ARPP21: variants seen among roughly 807,000 people sequenced by gnomAD.
ARPP21 encodes the protein cAMP regulated phosphoprotein 21, also known as cAMP-regulated phosphoprotein 21.
A neutral mutation model predicts 113.2 loss-of-function variants in ARPP21; 69 were observed. The observed-to-expected ratio is 0.61, with a 90% confidence interval of 0.50 to 0.74. ARPP21 has a LOEUF of 0.74. ARPP21 is among the 30% of genes least tolerant of loss of function. ARPP21 has a pLI of 0.00. For synonymous variants in ARPP21, 368 were observed against 375.5 expected, an observed-to-expected ratio of 0.98 and a Z score of 0.23; for missense variants, 1,070 against 1,037.4, an observed-to-expected ratio of 1.03 and a Z score of -0.43.
At chr3:35,676,897 A>G (rs1046855415) in intron 1 of ARPP21, among the ~76,000 whole-genome samples, 6 of 151,926 alleles carry the variant, frequency 3.9e-5, no homozygotes, top group African/African-American at 1.4e-4. Context: ...TAGTATTGCA[A>G]TATTTATATA....
Position 35,667,838 on chromosome 3 carries a change from C to T in ARPP21, c.-212-11949C>T, listed in dbSNP as rs760264078. ...GAAGATCACCTGCAGTACTTTTATT[C>T]TCAAAGAAGAAGAAGAAGAAGAAGA... On this transcript the variant is annotated intron_variant, in intron 1 of 20. Coordinates refer to ENST00000684406, the MANE Select transcript of ARPP21 (RefSeq NM_001385562.1). Among the ~76,000 whole-genome samples, 180 of 55,650 alleles carry T rather than the reference C, an allele frequency of 3.2e-3. 3 individuals are homozygous for T. Among genetic ancestry groups the T allele is most frequent in the Non-Finnish European group, 4.9e-3 (145 of 29,894 alleles). The allele number at this position is 55,650 out of a possible 152,430, so 36.5% of individuals were successfully genotyped here.
chr3:35,672,828 G>C (rs2149343881), intron 1 of ARPP21, among the ~76,000 whole-genome samples: 1 of 152,156 alleles, frequency 6.6e-6, no homozygotes, highest in African/African-American at 2.4e-5. Context: ...AGGACAGGCA[G>C]ACAGCTTGCT....
intron 19 of ARPP21, among the ~76,000 whole-genome samples, chr3:35,767,431 C>G (rs2096020166): frequency 6.6e-6 from 1 of 151,992 alleles, no homozygotes; most frequent in Admixed American, 6.6e-5. Flanking sequence ...TTTTGTTGGC[C>G]TGACTGAAAA....
chr3:35,753,810 C>T (rs2095481766), intron 19 of ARPP21, among the ~76,000 whole-genome samples: 2 of 151,852 alleles, frequency 1.3e-5, no homozygotes, highest in Non-Finnish European at 2.9e-5. Context: ...GTTATTGCCT[C>T]TTTAATGTTG....
At chr3:35,776,413 A>T (rs1482211751) in intron 19 of ARPP21, among the ~76,000 whole-genome samples, 1 of 152,154 alleles carries the variant, frequency 6.6e-6, no homozygotes, top group Non-Finnish European at 1.5e-5. Flanking sequence ...TCATGACAGC[A>T]GCTGGCCAGG....
At chr3:35,781,065 A>G (rs965404861) in intron 19 of ARPP21, among the ~76,000 whole-genome samples, 1 of 152,088 alleles carries the variant, frequency 6.6e-6, no homozygotes, top group Non-Finnish European at 1.5e-5. Context: ...TTCTTAGACC[A>G]CGTGGTCCTG....
chr3:35,768,484 C>G (rs1307154788), intron 19 of ARPP21, among the ~76,000 whole-genome samples: 2 of 152,052 alleles, frequency 1.3e-5, no homozygotes, highest in African/African-American at 4.8e-5. Context: ...TTTATAATTA[C>G]TCATTTAATA....
In ARPP21 at chr3:35,675,599, T is replaced by C. The variant is rs376661755; in HGVS notation, c.-212-4188T>C. ...AGGGTAAGCTTTGGGAAAAAAATTA[T>C]AGAGTTGTCTTTTTCAGTGAAATAT... On this transcript the variant is annotated intron_variant, in intron 1 of 20. Transcript: ENST00000684406. Among the ~76,000 whole-genome samples, 19 of 152,022 alleles carry C rather than the reference T, an allele frequency of 1.2e-4. No homozygotes were observed. The East Asian group carries it at 3.5e-3, about 28-fold the overall frequency.
At chr3:35,643,236 A>G (rs988597921) in intron 1 of ARPP21, among the ~76,000 whole-genome samples, 2 of 152,116 alleles carry the variant, frequency 1.3e-5, no homozygotes, top group Admixed American at 6.5e-5. Flanking sequence ...AAGAGAAAGT[A>G]AGCAGTTTCT....
chr3:35,667,539 G>T (rs535457397), intron 1 of ARPP21, among the ~76,000 whole-genome samples: 2 of 152,092 alleles, frequency 1.3e-5, no homozygotes, highest in African/African-American at 2.4e-5. Flanking sequence ...GTCACTTTCA[G>T]ATTCTTCTCA....
chr3:35,698,203 A>G (rs2084818340), intron 9 of ARPP21, among the ~76,000 whole-genome samples: 1 of 151,698 alleles, frequency 6.6e-6, no homozygotes, highest in South Asian at 2.1e-4. Flanking sequence ...GTCAAACTCC[A>G]TGTCATTTTC....
rs143730825 is a variant in ARPP21, at chr3:35,673,242, C to A, written c.-212-6545C>A. ...ATCCGTTTCTGCTAATCTCTCTCTG[C>A]CCTCTGTCCCTCCCTTTTGGAAGTG... On this transcript the variant is annotated intron_variant, in intron 1 of 20. Transcript: ENST00000684406. Among the ~76,000 whole-genome samples, 71 of 152,160 alleles carry A rather than the reference C, an allele frequency of 4.7e-4. 1 individual carries two copies. In the East Asian group the frequency reaches 0.013, roughly 29 times the overall value.
intron 19 of ARPP21, among the ~76,000 whole-genome samples, chr3:35,761,522 C>T (rs2095777542): frequency 6.6e-6 from 1 of 151,998 alleles, no homozygotes; most frequent in African/African-American, 2.4e-5. Context: ...TGGAGGTGAC[C>T]TGTTGCCACT....
At chr3:35,720,061 G>A (rs1282772554) in intron 13 of ARPP21, among the ~76,000 whole-genome samples, 2 of 152,190 alleles carry the variant, frequency 1.3e-5, no homozygotes, top group East Asian at 3.9e-4. Flanking sequence ...ATTGGTGAAG[G>A]TCTGGCATTC....
chr3:35,742,873 A>T (rs575963116), intron 18 of ARPP21, among the ~76,000 whole-genome samples: 2 of 152,332 alleles, frequency 1.3e-5, no homozygotes, highest in African/African-American at 4.8e-5. Context: ...AAGCCCAGAG[A>T]TAGAAAATAA....
Position 35,683,806 on chromosome 3 carries a change from TC to T in ARPP21, c.253del (p.Gln85ArgfsTer63). On this transcript the variant is annotated frameshift_variant, in exon 5 of 21. Coordinates refer to ENST00000684406, the MANE Select transcript of ARPP21 (RefSeq NM_001385562.1). LOFTEE classifies it high-confidence loss of function. ...SSARPGGESLQDQESIHLQLS... is the reference protein window; with the variant it reads ...SSARPGGESLXDQESIHLQLS... ...CTGCCAGACCAGGAGGTGAAAGTCT[TC>T]AGGATCAGGTATATCCCCTTGCCAT... 6.8e-7 allele frequency: 1 copy of T among 1,463,058 alleles called. No homozygotes were observed. The highest frequency in any genetic ancestry group is 9.6e-7 in the Non-Finnish European group (1 of 1,044,274). The allele number at this position is 1,463,058 out of a possible 1,614,324, so 90.6% of individuals were successfully genotyped here.
intron 17 of ARPP21, among the ~76,000 whole-genome samples, chr3:35,738,536 G>T (rs1362516881): frequency 5.3e-5 from 8 of 152,106 alleles, no homozygotes; most frequent in Admixed American, 3.9e-4. Flanking sequence ...TGCTTCTGTG[G>T]TCTGTTACCC....
At position 35,640,132 on chromosome 3, in the gene ARPP21, C is replaced by A. The variant is rs567880601; in HGVS notation, c.-479C>A. 6.6e-6 allele frequency: 1 copy of A among 152,288 alleles called. No homozygotes were observed. The highest frequency in any genetic ancestry group is 2.4e-5 in the African/African-American group (1 of 41,444). The allele number at this position is 152,288 out of a possible 1,614,324, so 9.4% of individuals were successfully genotyped here. The stretch of plus-strand genomic sequence containing the variant: ...GGGACACAAGCCGCGACCGAGCCGC[C>A]GCCGCAGCCCTGGCTGCCACAGCTG... On this transcript the variant is annotated 5_prime_UTR_variant, in exon 1 of 21. Coordinates refer to ENST00000684406, the MANE Select transcript of ARPP21 (RefSeq NM_001385562.1).
intron 1 of ARPP21, among the ~76,000 whole-genome samples, chr3:35,653,226 A>G (rs1703212755): frequency 6.6e-6 from 1 of 152,090 alleles, no homozygotes; most frequent in South Asian, 2.1e-4. Flanking sequence ...TAGCAGTGAC[A>G]TTATCTCTGT....
Sources: allele counts gnomAD v4.1 joint callset (sites outside exome capture counted in the v4.1 genomes callset), GRCh38; gene constraint gnomAD v4.1.1; transcripts MANE v1.5; gene names NCBI Gene and HGNC (gene_info 2026-07-23, HGNC 2026-07-21).